SVEP1: variants seen among roughly 807,000 people sequenced by gnomAD.
SVEP1 encodes sushi, von Willebrand factor type A, EGF and pentraxin domain containing 1, also known as sushi, von Willebrand factor type A, EGF and pentraxin domain-containing protein 1.
Under a neutral mutation model 367.3 loss-of-function variants are expected in SVEP1, and 164 were observed. The ratio of observed to expected loss-of-function variants is 0.45; its 90% CI spans 0.39 to 0.51. The LOEUF is 0.51. Among genes scored for constraint, SVEP1 ranks in the 20% least tolerant of loss-of-function variants. The probability of loss-of-function intolerance (pLI) is 0.00; values close to 1 mark genes in which losing one functional copy is unlikely to be tolerated. For missense variants in SVEP1, 4,117 were observed against 4,425.3 expected, an observed-to-expected ratio of 0.93 and a Z score of 1.98; for synonymous variants, 1,666 against 1,611.6, an observed-to-expected ratio of 1.03 and a Z score of -0.81.
chr9:110,452,179 C>A (rs1250682621), intron 22 of SVEP1, among the ~76,000 whole-genome samples: 3 of 151,980 alleles, frequency 2.0e-5, no homozygotes, highest in East Asian at 3.9e-4. Flanking sequence ...AACAGTAAAT[C>A]TAACATAAAA....
intron 28 of SVEP1, among the ~76,000 whole-genome samples, chr9:110,436,026 C>T (rs558681219): frequency 2.0e-5 from 3 of 146,972 alleles, no homozygotes; most frequent in South Asian, 4.6e-4. Flanking sequence ...TCGTGCCAGC[C>T]TTAAATTTCT....
intron 5 of SVEP1, among the ~76,000 whole-genome samples, chr9:110,507,021 C>A (rs551066719): frequency 6.6e-6 from 1 of 152,020 alleles, no homozygotes; most frequent in Non-Finnish European, 1.5e-5. Context: ...ATTCCATTCA[C>A]GAACAGAGAT....
intron 5 of SVEP1, among the ~76,000 whole-genome samples, chr9:110,511,000 T>C (rs1406352315): frequency 1.3e-5 from 2 of 152,132 alleles, no homozygotes; most frequent in African/African-American, 4.8e-5. Flanking sequence ...CTCAGAATCC[T>C]GGCAACACAG....
chr9:110,399,440 T>G (rs1448570282), intron 40 of SVEP1, among the ~76,000 whole-genome samples: 1 of 152,098 alleles, frequency 6.6e-6, no homozygotes, highest in East Asian at 1.9e-4. Context: ...TATACATATG[T>G]AACAAACCTG....
In SVEP1 at chr9:110,446,049, T is replaced by A. The variant is rs953300039; in HGVS notation, c.4262-11A>T. 6.3e-7 allele frequency: 1 copy of A among 1,598,280 alleles called. No homozygotes were observed. Among genetic ancestry groups the A allele is most frequent in the East Asian group, 2.3e-5 (1 of 44,372 alleles). On this transcript the variant is annotated splice_polypyrimidine_tract_variant and intron_variant, in intron 25 of 47. Coordinates refer to ENST00000374469, the MANE Select transcript of SVEP1 (RefSeq NM_153366.4). ...AGCCTGTAGACTGTTCTGCAATGAA[T>A]AAGAAAAGTGTGCAGACTGTGGCAC...
At position 110,457,329 on chromosome 9, in the gene SVEP1, G is replaced by A; in HGVS notation, c.3600C>T (p.Asn1200=). ...SSQVFHECFF[N]PCHNSGTCQQ... ...GGCAGGTTCCACTATTGTGGCAAGG[G>A]TTAAAGAAGCATTCATGGAAAACCT... Residue 1200 remains asparagine, a synonymous_variant, in exon 21 of 48, where the codon AAC becomes AAT. Transcript: ENST00000374469. The A allele has an allele frequency of 5.6e-6, 9 of 1,611,488 alleles. No homozygotes were observed. Among genetic ancestry groups the A allele is most frequent in the Non-Finnish European group, 7.6e-6 (9 of 1,179,330 alleles).
chr9:110,370,122 C>G lies in SVEP1; in HGVS notation c.10601-106G>C, dbSNP rs1052943680. On this transcript the variant is annotated intron_variant, in intron 46 of 47. Transcript: ENST00000374469. ...TTGACTCTACTTCCTGCAGCAGCCA[C>G]TGCTGGTCTTCATATACCGTTAGCA... 5.1e-6 allele frequency: 5 copies of G among 980,674 alleles called. No individual in the cohort carries two copies. In the Admixed American group the frequency reaches 1.1e-4, roughly 21 times the overall value. The allele number at this position is 980,674 out of a possible 1,614,324, so 60.7% of individuals were successfully genotyped here.
chr9:110,536,936 T>C (rs928989648), intron 3 of SVEP1, among the ~76,000 whole-genome samples: 21 of 151,966 alleles, frequency 1.4e-4, no homozygotes, highest in Non-Finnish European at 2.8e-4. Context: ...CATTTAACAG[T>C]CCTAGTAAAG....
Position 110,565,503 on chromosome 9 carries a change from A to G in SVEP1, c.531+13510T>C, listed in dbSNP as rs1032704626. Among the ~76,000 whole-genome samples the G allele has an allele frequency of 3.3e-5, 5 of 152,342 alleles. No individual in the cohort carries two copies. The East Asian group carries it at 9.6e-4, about 29-fold the overall frequency. ...TTGCAGCTAAAAGATATGATCTCCT[A>G]CTGCCTCAGTGGCTTGGTCTCTGCA... On this transcript the variant is annotated intron_variant, in intron 1 of 47. Coordinates refer to ENST00000374469, the MANE Select transcript of SVEP1 (RefSeq NM_153366.4).
intron 36 of SVEP1, among the ~76,000 whole-genome samples, chr9:110,412,135 T>A (rs529692991): frequency 6.6e-6 from 1 of 152,324 alleles, no homozygotes; most frequent in Non-Finnish European, 1.5e-5. Flanking sequence ...ATTTAAAAAA[T>A]AAAATCAAGG....
At chr9:110,458,619 T>C (rs1234801849) in intron 19 of SVEP1, 57 bp from the exon 20 acceptor site, 21 of 1,459,924 alleles carry the variant, frequency 1.4e-5, no homozygotes, top group Non-Finnish European at 1.9e-5. Flanking sequence ...AAGTGGACTA[T>C]ATCTAACACT....
chr9:110,523,766 C>T (rs754549235), intron 3 of SVEP1, among the ~76,000 whole-genome samples: 2 of 151,416 alleles, frequency 1.3e-5, no homozygotes, highest in African/African-American at 2.4e-5. Context: ...AGTCTCAAAT[C>T]GATAATCTAA....
At chr9:110,425,879 T>C (rs1323235584) in intron 36 of SVEP1, among the ~76,000 whole-genome samples, 2 of 152,206 alleles carry the variant, frequency 1.3e-5, no homozygotes, top group Non-Finnish European at 2.9e-5. Flanking sequence ...TGTCTTTGGG[T>C]AATAAAATCA....
At position 110,513,059 on chromosome 9, in the gene SVEP1, G is replaced by C. The variant is rs1440468817; in HGVS notation, c.1170C>G (p.Ile390Met). The C allele has an allele frequency of 1.2e-6, 2 of 1,613,944 alleles. No individual in the cohort carries two copies. Among genetic ancestry groups the C allele is most frequent in the East Asian group, 4.5e-5 (2 of 44,868 alleles). The change falls in exon 5 of 48, where the codon ATC becomes ATG. Residue 390 changes from isoleucine (I) to methionine (M), a missense_variant. This residue lies in a region of SVEP1 where 2,174 missense variants were observed against 2,494.3 expected (regional missense o/e 0.87). Coordinates refer to ENST00000374469, the MANE Select transcript of SVEP1 (RefSeq NM_153366.4). ...ALKPPENGYF[I>M]QNTCNNHFNA... Reference sequence around the variant, plus strand: ...TGAAGTGGTTGTTGCAAGTGTTTTGGATAAAGTAACCATTTTCGGGAGGCT... The same window carrying C: ...TGAAGTGGTTGTTGCAAGTGTTTTGCATAAAGTAACCATTTTCGGGAGGCT...
intron 9 of SVEP1, among the ~76,000 whole-genome samples, chr9:110,488,983 A>G (rs1829326766): frequency 6.6e-6 from 1 of 152,214 alleles, no homozygotes; most frequent in Non-Finnish European, 1.5e-5. Flanking sequence ...TGATGACAGT[A>G]GTTTATACGA....
intron 36 of SVEP1, among the ~76,000 whole-genome samples, chr9:110,424,904 C>T (rs1828229075): frequency 6.6e-6 from 1 of 152,226 alleles, no homozygotes; most frequent in African/African-American, 2.4e-5. Context: ...GAACTCCTGA[C>T]CTCAAGTGAT....
chr9:110,455,946 T>C (rs1003868393), intron 21 of SVEP1, among the ~76,000 whole-genome samples: 6 of 152,100 alleles, frequency 3.9e-5, no homozygotes, highest in African/African-American at 1.4e-4. Flanking sequence ...AAATTAGAAG[T>C]GGGGTAGGAG....
chr9:110,371,130 C>A (rs879873143), intron 46 of SVEP1, among the ~76,000 whole-genome samples: 9 of 151,994 alleles, frequency 5.9e-5, no homozygotes, highest in Admixed American at 5.9e-4. Flanking sequence ...TAAGAGCTGG[C>A]CAGCAGAATA....
At chr9:110,423,168 T>TAAAAAAAAAAAAAAAAAAAAAAA in intron 36 of SVEP1, among the ~76,000 whole-genome samples, 3 of 103,648 alleles carry the variant, frequency 2.9e-5, no homozygotes, top group East Asian at 2.5e-4. Flanking sequence ...AAAAATAAAG[T>TAAAAAAAAAAAAAAAAAAAAAAA]AAAAAAAAAA....
Sources: allele counts gnomAD v4.1 joint callset (sites outside exome capture counted in the v4.1 genomes callset), GRCh38; gene constraint gnomAD v4.1.1; regional missense constraint gnomAD v4.1.1; transcripts MANE v1.5; gene names NCBI Gene and HGNC (gene_info 2026-07-23, HGNC 2026-07-21).